Variants in ZNF462 observed in about 807,000 individuals in gnomAD.
The protein encoded by ZNF462 is zinc finger protein 462.
In ZNF462, 10 loss-of-function variants were observed where a neutral mutation model predicts 201.9. The observed-to-expected ratio is 0.05, with a 90% CI of 0.03 to 0.08. ZNF462 has a LOEUF of 0.08. Among genes scored for constraint, ZNF462 ranks in the 10% least tolerant of loss-of-function variants. The probability of loss-of-function intolerance (pLI) is 1.00; values close to 1 mark genes in which losing one functional copy is unlikely to be tolerated. For synonymous variants in ZNF462, 1,227 were observed against 1,193.3 expected, an observed-to-expected ratio of 1.03 and a Z score of -0.58; for missense variants, 2,523 against 3,168.3, an observed-to-expected ratio of 0.80 and a Z score of 4.89.
chr9:106,875,433 A>C (rs1316528211), intron 1 of ZNF462, among the ~76,000 whole-genome samples: 1 of 152,240 alleles, frequency 6.6e-6, no homozygotes, highest in Non-Finnish European at 1.5e-5. Flanking sequence ...GATTCATTTG[A>C]ATAGATCTTT....
rs1483786724 is a variant in ZNF462, at chr9:106,883,122, G to A, written c.-31+19767G>A. Among the ~76,000 whole-genome samples the A allele has an allele frequency of 6.6e-6, 1 of 152,190 alleles. No individual in the cohort carries two copies. Among genetic ancestry groups the A allele is most frequent in the Non-Finnish European group, 1.5e-5 (1 of 68,038 alleles). On this transcript the variant is annotated intron_variant, in intron 1 of 12. Coordinates refer to ENST00000277225, the MANE Select transcript of ZNF462 (RefSeq NM_021224.6). The surrounding 1 kb of genome is among the most constrained non-coding windows in gnomAD (Gnocchi z 4.9). ...AGCCTTCTAGGTATTAGGTGACCTT[G>A]CAGTATTAAAGAAACCCATGGGTCC...
chr9:106,867,458 C>T (rs1484644460), intron 1 of ZNF462, among the ~76,000 whole-genome samples: 1 of 152,036 alleles, frequency 6.6e-6, no homozygotes, highest in Non-Finnish European at 1.5e-5. Flanking sequence ...CTTGTTGGAT[C>T]CTCACATTGC....
rs542215684 is a variant in ZNF462, at chr9:106,913,247, C to T, written c.-30-10107C>T. 1.3e-5 allele frequency among the ~76,000 whole-genome samples: 2 copies of T among 152,288 alleles called. No homozygotes were observed. Among genetic ancestry groups the T allele is most frequent in the East Asian group, 3.9e-4 (2 of 5,190 alleles). On this transcript the variant is annotated intron_variant, in intron 1 of 12. Transcript: ENST00000277225. The surrounding 1 kb of genome is among the most constrained non-coding windows in gnomAD (Gnocchi z 4.1). Reference sequence around the variant, plus strand: ...TAGTCAGCTAACCACTGTGATGTGGCTTCATTAGCTTCATAAGCACTAGGT... The same window carrying T: ...TAGTCAGCTAACCACTGTGATGTGGTTTCATTAGCTTCATAAGCACTAGGT...
Position 107,009,598 on chromosome 9 carries a change from C to T in ZNF462, c.7243C>T (p.Pro2415Ser). ...GAALNTEKRF[P>S]CEFCGRAFSQ... ...TGCTCTTAACACTGAGAAGCGTTTT[C>T]CATGTGAATTTTGTGGACGGGCGTT... Residue 2415 changes from proline to serine, a missense_variant, in exon 12 of 13, where the codon CCA (proline) becomes TCA (serine). Physicochemically the swap from Pro to Ser is moderately conservative, Grantham distance 74. This residue lies in a region of ZNF462 where 228 missense variants were observed against 361.2 expected (regional missense o/e 0.63). Transcript: ENST00000277225. The surrounding 1 kb of genome is among the most constrained non-coding windows in gnomAD (Gnocchi z 6.1). The T allele has an allele frequency of 4.3e-6, 7 of 1,613,974 alleles. No homozygotes were observed. The highest frequency in any genetic ancestry group is 5.1e-6 in the Non-Finnish European group (6 of 1,179,958).
chr9:106,976,070 A>G, intron 9 of ZNF462: 1 of 152,272 alleles, frequency 6.6e-6, no homozygotes, highest in Non-Finnish European at 1.5e-5. Flanking sequence ...CATTTCACAA[A>G]GGTTTTAAGA....
intron 10 of ZNF462, among the ~76,000 whole-genome samples, chr9:107,002,678 C>T (rs1019525867): frequency 1.3e-5 from 2 of 152,120 alleles, no homozygotes; most frequent in Admixed American, 6.5e-5. Flanking sequence ...AGGTTTTTCT[C>T]AGATAATCCC....
upstream of ZNF462, chr9:106,863,026 AGAGAGAGCGCGCGAGGGAGAGG>A (rs1446029078): frequency 5.1e-6 from 2 of 388,836 alleles, no homozygotes; most frequent in Non-Finnish European, 9.0e-6. Context: ...GGAGGGAGAG[AGAGAGAGCGCGCGAGGGAGAGG>A]GAGGAGAGGA....
chr9:106,982,167 C>T (rs1260116212), intron 9 of ZNF462, among the ~76,000 whole-genome samples: 1 of 152,206 alleles, frequency 6.6e-6, no homozygotes, highest in Non-Finnish European at 1.5e-5. Context: ...GAGTGCCTTA[C>T]CCAGCGTAGT....
At chr9:106,922,680 AG>A (rs1186324997) in intron 1 of ZNF462, among the ~76,000 whole-genome samples, 1 of 152,196 alleles carries the variant, frequency 6.6e-6, no homozygotes, top group Non-Finnish European at 1.5e-5. Flanking sequence ...AGAAGCTGTT[AG>A]GTTATAATTG....
intron 1 of ZNF462, among the ~76,000 whole-genome samples, chr9:106,915,312 G>T (rs1019998632): frequency 6.6e-6 from 1 of 151,932 alleles, no homozygotes; most frequent in Non-Finnish European, 1.5e-5. Context: ...GGAATTCGAG[G>T]CTTGGCTCCT....
rs1196619228 is a variant in ZNF462 at position 106,890,419 on chromosome 9, C to A, written c.-31+27064C>A. ...GAATTCCTTCATTTCCTTCTGGAGTCCTTTTTGGGCATACAAAAATCTAGC... is the reference window on the plus strand; with the variant it reads ...GAATTCCTTCATTTCCTTCTGGAGTACTTTTTGGGCATACAAAAATCTAGC... On this transcript the variant is annotated intron_variant, in intron 1 of 12. Coordinates refer to ENST00000277225, the MANE Select transcript of ZNF462 (RefSeq NM_021224.6). The surrounding 1 kb of genome is among the most constrained non-coding windows in gnomAD (Gnocchi z 4.2). Among the ~76,000 whole-genome samples the A allele has an allele frequency of 1.3e-5, 2 of 152,184 alleles. No individual in the cohort carries two copies. The highest frequency in any genetic ancestry group is 1.3e-4 in the Admixed American group (2 of 15,286).
chr9:106,863,423 G>A (rs1827143432), intron 1 of ZNF462, 68 bp downstream of exon 1: 1 of 388,582 alleles, frequency 2.6e-6, no homozygotes, highest in Non-Finnish European at 4.5e-6. Context: ...GCGCGGGGTG[G>A]TGGAGGCACA....
At chr9:106,947,517 G>T (rs1408516527) in intron 7 of ZNF462, among the ~76,000 whole-genome samples, 1 of 152,068 alleles carries the variant, frequency 6.6e-6, no homozygotes, top group African/African-American at 2.4e-5. Flanking sequence ...CATCCATTCT[G>T]GTTTACATAA....
At chr9:106,947,336 A>G (rs1831155317) in intron 7 of ZNF462, among the ~76,000 whole-genome samples, 1 of 152,204 alleles carries the variant, frequency 6.6e-6, no homozygotes, top group African/African-American at 2.4e-5. Context: ...GATGACTCGC[A>G]CAGGTCACTC....
chr9:106,891,991 C>T (rs1462278716), intron 1 of ZNF462, among the ~76,000 whole-genome samples: 1 of 152,194 alleles, frequency 6.6e-6, no homozygotes, highest in Non-Finnish European at 1.5e-5. Flanking sequence ...CCATATTATA[C>T]AAATTCCCTA....
intron 1 of ZNF462, among the ~76,000 whole-genome samples, chr9:106,864,043 T>C (rs140614785): frequency 7.9e-4 from 23 of 29,028 alleles, no homozygotes; most frequent in Admixed American, 1.9e-3. Flanking sequence ...TATTTGGCTC[T>C]CTCTCTCTCT....
rs1264372754 is a variant in ZNF462 at position 106,978,422 on chromosome 9, C to T, written c.6832+4149C>T. Among the ~76,000 whole-genome samples, 2 of 151,610 alleles carry T rather than the reference C, an allele frequency of 1.3e-5. No individual in the cohort carries two copies. Among genetic ancestry groups the T allele is most frequent in the Non-Finnish European group, 2.9e-5 (2 of 68,022 alleles). On this transcript the variant is annotated intron_variant, in intron 9 of 12. Coordinates refer to ENST00000277225, the MANE Select transcript of ZNF462 (RefSeq NM_021224.6). The surrounding 1 kb of genome is among the most constrained non-coding windows in gnomAD (Gnocchi z 4.1). ...AGAAGTTGGAACTTTAGTCAGTAGA[C>T]AGATGGGAAGCCAGGACAAATTCTG...
chr9:106,946,571 C>G (rs1164776331), intron 7 of ZNF462, among the ~76,000 whole-genome samples: 1 of 152,102 alleles, frequency 6.6e-6, no homozygotes, highest in African/African-American at 2.4e-5. Flanking sequence ...TGGGAGAAGT[C>G]ACAAGAGTGA....
In ZNF462 at chr9:106,905,951, A is replaced by G. The variant is rs1829253579; in HGVS notation, c.-30-17403A>G. On this transcript the variant is annotated intron_variant, in intron 1 of 12. Transcript: ENST00000277225. The surrounding 1 kb of genome is among the most constrained non-coding windows in gnomAD (Gnocchi z 5.9). ...TTAAATTGTTACAAAGTTCAGCTACAGAGTTCCTTCTCCCTGTGGAGTTTT... is the reference window on the plus strand; with the variant it reads ...TTAAATTGTTACAAAGTTCAGCTACGGAGTTCCTTCTCCCTGTGGAGTTTT... Among the ~76,000 whole-genome samples, 1 of 152,192 alleles carries G rather than the reference A, an allele frequency of 6.6e-6. No individual in the cohort carries two copies. Among genetic ancestry groups the G allele is most frequent in the Non-Finnish European group, 1.5e-5 (1 of 68,036 alleles).
Sources: gnomAD v4.1 joint callset for allele counts (sites outside exome capture counted in the v4.1 genomes callset) on GRCh38, gnomAD v4.1.1 for gene constraint, gnomAD v4.1.1 regional missense constraint, Gnocchi (gnomAD v3.1) non-coding constraint, MANE v1.5 for transcripts, NCBI Gene and HGNC (gene_info 2026-07-23, HGNC 2026-07-21) for gene names.